Variants in FAM227B observed in about 807,000 individuals in gnomAD.
FAM227B encodes protein FAM227B.
Under a neutral mutation model 73.8 loss-of-function variants are expected in FAM227B, and 88 were observed. That is an observed-to-expected ratio of 1.19 (90% CI 1.00 to 1.42). The LOEUF (loss-of-function observed/expected upper bound fraction) is 1.42, where lower values mean the gene tolerates loss of function less well. Among genes scored for constraint, FAM227B ranks in the 40% most tolerant of loss-of-function variants. The pLI is 0.00. For missense variants in FAM227B, 632 were observed against 590.9 expected (o/e 1.07, Z -0.72); for synonymous variants, 210 against 190.5 (o/e 1.10, Z -0.84).
Position 49,473,113 on chromosome 15 carries a change from A to G in FAM227B, c.1012+35098T>C, listed in dbSNP as rs568163255. Among the ~76,000 whole-genome samples the G allele has an allele frequency of 5.3e-5, 8 of 152,254 alleles. No individual in the cohort carries two copies. The East Asian group carries it at 1.2e-3, about 22-fold the overall frequency. Reference sequence around the variant, plus strand: ...TTTTTCAACTGAATATTTTTTAAAAACATTTTTGTATTTTTTCAATTTAGA... The same window carrying G: ...TTTTTCAACTGAATATTTTTTAAAAGCATTTTTGTATTTTTTCAATTTAGA... On this transcript the variant is annotated intron_variant, in intron 11 of 15. Transcript: ENST00000299338.
rs188434589 is a variant in FAM227B, at chr15:49,385,290, C to T, written c.1013-13891G>A. On this transcript the variant is annotated intron_variant, in intron 11 of 15. Transcript: ENST00000299338. ...CACATAGGCTTTGGAGTCAGACGGA[C>T]ACAAATTTAAATGCCAGCTTTGCCA... Among the ~76,000 whole-genome samples, 3 of 152,002 alleles carry T rather than the reference C, an allele frequency of 2.0e-5. No individual in the cohort carries two copies. The East Asian group carries it at 5.8e-4, about 29-fold the overall frequency.
intron 1 of FAM227B, among the ~76,000 whole-genome samples, chr15:49,616,089 G>C (rs576244404): frequency 3.6e-4 from 55 of 152,202 alleles, no homozygotes; most frequent in Non-Finnish European, 7.2e-4. Flanking sequence ...TGAAATTATG[G>C]GGGAGTTTTA....
At chr15:49,422,667 C>A (rs1225240946) in intron 11 of FAM227B, 1 of 1,101,710 alleles carries the variant, frequency 9.1e-7, no homozygotes, top group Admixed American at 2.0e-5. Context: ...TCATACTGGT[C>A]ATTAGTGGTC....
In FAM227B at chr15:49,489,830, A is replaced by ATTT. The variant is rs2056805371; in HGVS notation, c.1012+18380_1012+18381insAAA. Among the ~76,000 whole-genome samples, 3 of 40,314 alleles carry ATTT rather than the reference A, an allele frequency of 7.4e-5. No homozygotes were observed. In the Admixed American group the frequency reaches 1.3e-3, roughly 18 times the overall value. 26.4% of individuals were successfully genotyped at this position (40,314 alleles called of 152,430 possible). A position where few individuals can be genotyped will look rare whatever the true frequency, so the allele number is the denominator to read the frequency against. On this transcript the variant is annotated intron_variant, in intron 11 of 15. Coordinates refer to ENST00000299338, the MANE Select transcript of FAM227B (RefSeq NM_152647.3). ...ATATATATATATATATTTTATATAT[A>ATTT]TATATATATTTTATATATATATATA... is the stretch of plus-strand genomic sequence containing the variant.
intron 11 of FAM227B, among the ~76,000 whole-genome samples, chr15:49,461,178 T>C (rs1053814329): frequency 1.3e-5 from 2 of 152,194 alleles, no homozygotes; most frequent in African/African-American, 4.8e-5. Flanking sequence ...TAGTGACAGA[T>C]CTTTTCTCTT....
intron 11 of FAM227B, among the ~76,000 whole-genome samples, chr15:49,443,381 T>A (rs902184987): frequency 6.6e-6 from 1 of 151,474 alleles, no homozygotes; most frequent in Non-Finnish European, 1.5e-5. Context: ...CTCTGTTCAG[T>A]GATGTTTTGT....
At chr15:49,462,698 CTCAT>C (rs2053913352) in intron 11 of FAM227B, among the ~76,000 whole-genome samples, 1 of 152,160 alleles carries the variant, frequency 6.6e-6, no homozygotes. Flanking sequence ...TCCTCTTTCT[CTCAT>C]TCAATTTATT....
intron 6 of FAM227B, 101 bp downstream of exon 6, chr15:49,577,526 CCT>C: frequency 1.6e-6 from 1 of 645,082 alleles, no homozygotes; most frequent in East Asian, 2.9e-5. Context: ...TCCTCTGGTA[CCT>C]CTCTCTATAT....
At chr15:49,482,503 A>G (rs1400263113) in intron 11 of FAM227B, among the ~76,000 whole-genome samples, 2 of 152,076 alleles carry the variant, frequency 1.3e-5, no homozygotes. Flanking sequence ...TCTGTTTACC[A>G]TCATTTACAC....
At chr15:49,507,025 C>T (rs2152111141) in intron 11 of FAM227B, among the ~76,000 whole-genome samples, 1 of 152,020 alleles carries the variant, frequency 6.6e-6, no homozygotes, top group East Asian at 1.9e-4. Flanking sequence ...AACAGATAAA[C>T]AAAATTGGCT....
intron 11 of FAM227B, among the ~76,000 whole-genome samples, chr15:49,439,711 G>C (rs1034373317): frequency 6.6e-6 from 1 of 151,638 alleles, no homozygotes; most frequent in Non-Finnish European, 1.5e-5. Context: ...GAGGAACGTG[G>C]CTCTCTTCTC....
intron 4 of FAM227B, among the ~76,000 whole-genome samples, chr15:49,588,547 C>CCATATATA (rs2076315076): frequency 2.6e-5 from 1 of 38,054 alleles, no homozygotes; most frequent in African/African-American, 8.9e-5. Context: ...ATATTGAGGA[C>CCATATATA]TATATATATA....
At chr15:49,585,777 G>T (rs540620060) in intron 5 of FAM227B, among the ~76,000 whole-genome samples, 1 of 152,078 alleles carries the variant, frequency 6.6e-6, no homozygotes, top group Admixed American at 6.5e-5. Context: ...CACCAACATG[G>T]CACATGTATA....
intron 11 of FAM227B, among the ~76,000 whole-genome samples, chr15:49,428,743 A>G (rs970687184): frequency 6.6e-6 from 1 of 152,002 alleles, no homozygotes; most frequent in Non-Finnish European, 1.5e-5. Flanking sequence ...AGTCAATATC[A>G]TCTACTCCTT....
At chr15:49,338,269 G>A (rs1041586057) in intron 13 of FAM227B, among the ~76,000 whole-genome samples, 8 of 152,248 alleles carry the variant, frequency 5.3e-5, no homozygotes, top group African/African-American at 1.9e-4. Flanking sequence ...GCCTGGTACC[G>A]GTTGTTCCTT....
At position 49,575,050 on chromosome 15, in the gene FAM227B, C is replaced by T; in HGVS notation, c.606G>A (p.Leu202=). The T allele has an allele frequency of 6.2e-7, 1 of 1,600,062 alleles. No individual in the cohort carries two copies. The highest frequency in any genetic ancestry group is 8.5e-7 in the Non-Finnish European group (1 of 1,172,516). ...GAAACCACCACCAAAAGGAGTCATG[C>T]AAAAGAGCAATGGAGGCTTCTGAGA... is the stretch of plus-strand genomic sequence containing the variant. ...HFLSEASIAL[L]HDSFWWWFLH... is the part of the protein sequence containing the mutation. The change falls in exon 8 of 16, where the codon TTG becomes TTA. Residue 202 remains leucine (L), a synonymous_variant. Transcript: ENST00000299338.
chr15:49,518,561 C>G (rs2059549218), intron 10 of FAM227B, among the ~76,000 whole-genome samples: 2 of 152,038 alleles, frequency 1.3e-5, no homozygotes, highest in African/African-American at 4.8e-5. Flanking sequence ...AAAGGAGGAG[C>G]AAAACTAGGT....
intron 6 of FAM227B, chr15:49,577,191 G>A: frequency 3.6e-6 from 1 of 279,606 alleles, no homozygotes; most frequent in Non-Finnish European, 7.0e-6. Context: ...CAGCTACTTG[G>A]GAGGCTGAGG....
At chr15:49,587,378 G>C (rs1039406715) in intron 5 of FAM227B, among the ~76,000 whole-genome samples, 1 of 151,902 alleles carries the variant, frequency 6.6e-6, no homozygotes, top group African/African-American at 2.4e-5. Flanking sequence ...ATAACTAATG[G>C]GCACTAAGTT....
Sources: gnomAD v4.1 joint callset for allele counts (sites outside exome capture counted in the v4.1 genomes callset) on GRCh38, gnomAD v4.1.1 for gene constraint, MANE v1.5 for transcripts, NCBI Gene and HGNC (gene_info 2026-07-23, HGNC 2026-07-21) for gene names.